Variants in MYRIP observed in about 807,000 individuals in gnomAD.
MYRIP encodes the protein myosin VIIA and Rab interacting protein.
MYRIP carries 49 observed loss-of-function variants against 98.0 expected under a neutral mutation model. That is an observed-to-expected ratio of 0.50 (90% CI 0.40 to 0.63). The LOEUF (loss-of-function observed/expected upper bound fraction) is 0.63. MYRIP is among the 30% of genes least tolerant of loss of function. MYRIP has a pLI of 0.00. For missense variants in MYRIP, 1,004 were observed against 1,058.2 expected (o/e 0.95, Z 0.71); for synonymous variants, 404 against 409.5 (o/e 0.99, Z 0.16).
intron 1 of MYRIP, among the ~76,000 whole-genome samples, chr3:39,878,034 C>G (rs1312151406): frequency 2.0e-5 from 3 of 152,212 alleles, no homozygotes; most frequent in Non-Finnish European, 2.9e-5. Context: ...TTTACCTAAG[C>G]AAGCCTGGGC....
chr3:39,890,314 C>T (rs1943451107), intron 1 of MYRIP, among the ~76,000 whole-genome samples: 1 of 151,954 alleles, frequency 6.6e-6, no homozygotes, highest in African/African-American at 2.4e-5. Context: ...ATTATTTTTC[C>T]CCACAACTTC....
intron 1 of MYRIP, among the ~76,000 whole-genome samples, chr3:39,826,885 T>C (rs1280073572): frequency 6.6e-6 from 1 of 152,194 alleles, no homozygotes; most frequent in African/African-American, 2.4e-5. Context: ...TTTATTATTA[T>C]ATAATGTTCT....
At chr3:39,907,080 G>T (rs769459320) in intron 2 of MYRIP, among the ~76,000 whole-genome samples, 1 of 151,666 alleles carries the variant, frequency 6.6e-6, no homozygotes, top group Admixed American at 6.6e-5. Context: ...CTTGAGTACC[G>T]AACTCCTGAG....
At chr3:40,104,491 C>G (rs938126288) in intron 3 of MYRIP, among the ~76,000 whole-genome samples, 17 of 152,302 alleles carry the variant, frequency 1.1e-4, no homozygotes, top group Admixed American at 8.5e-4. Flanking sequence ...AACAGGCACA[C>G]TTCTAAAGTC....
intron 7 of MYRIP, among the ~76,000 whole-genome samples, chr3:40,167,454 C>T (rs1248193356): frequency 2.0e-5 from 3 of 152,204 alleles, no homozygotes; most frequent in Non-Finnish European, 2.9e-5. Flanking sequence ...CCATGCCCTA[C>T]GCTGTCCCTT....
chr3:40,260,040 C>T lies in MYRIP; in HGVS notation c.*1874C>T, dbSNP rs1298947685. ...GAACTTTTATAAAGGTTTCCTTGTG[C>T]CAAATAAGTGCAAAGATTTAATTTA... On this transcript the variant is annotated 3_prime_UTR_variant, in exon 17 of 17. Transcript: ENST00000302541. 1 of 152,532 alleles carries T rather than the reference C, an allele frequency of 6.6e-6. No individual in the cohort carries two copies. The highest frequency in any genetic ancestry group is 2.4e-5 in the African/African-American group (1 of 41,414). The allele number at this position is 152,532 out of a possible 1,614,324, so 9.4% of individuals were successfully genotyped here.
At chr3:40,213,158 A>G (rs1308421627) in intron 11 of MYRIP, among the ~76,000 whole-genome samples, 1 of 152,098 alleles carries the variant, frequency 6.6e-6, no homozygotes, top group African/African-American at 2.4e-5. Flanking sequence ...GCACTTGCTT[A>G]CAGCCTGTCA....
At chr3:39,861,220 G>C (rs1020687979) in intron 1 of MYRIP, among the ~76,000 whole-genome samples, 65 of 152,302 alleles carry the variant, frequency 4.3e-4, no homozygotes, top group African/African-American at 1.5e-3. Flanking sequence ...CAGCTCACGA[G>C]TCCTCAGCTG....
intron 2 of MYRIP, among the ~76,000 whole-genome samples, chr3:40,017,495 C>G (rs111333195): frequency 5.9e-5 from 9 of 152,236 alleles, no homozygotes; most frequent in African/African-American, 2.2e-4. Flanking sequence ...CAGCTGACCC[C>G]TGATTCTGTA....
At chr3:40,210,620 C>A (rs867446118) in intron 11 of MYRIP, among the ~76,000 whole-genome samples, 1 of 152,048 alleles carries the variant, frequency 6.6e-6, no homozygotes. Flanking sequence ...AATCCTTTTT[C>A]AAACAATCTT....
At chr3:40,151,313 T>A in intron 4 of MYRIP, 129 bp downstream of exon 4, 1 of 1,015,190 alleles carries the variant, frequency 9.9e-7, no homozygotes, top group Non-Finnish European at 1.3e-6. Context: ...CTGGCACCAG[T>A]GAGAAGCAGA....
intron 2 of MYRIP, among the ~76,000 whole-genome samples, chr3:39,906,840 G>A (rs1026707787): frequency 6.6e-6 from 1 of 152,186 alleles, no homozygotes; most frequent in Non-Finnish European, 1.5e-5. Context: ...ATTGTTCATG[G>A]CAGAAATAAA....
intron 2 of MYRIP, among the ~76,000 whole-genome samples, chr3:39,992,898 A>G (rs754854416): frequency 7.2e-5 from 11 of 151,868 alleles, no homozygotes; most frequent in Non-Finnish European, 1.5e-4. Context: ...TAATCTAGAA[A>G]CTTTCACTTT....
At chr3:40,057,321 C>T (rs922193346) in intron 3 of MYRIP, among the ~76,000 whole-genome samples, 1 of 152,132 alleles carries the variant, frequency 6.6e-6, no homozygotes, top group Non-Finnish European at 1.5e-5. Context: ...TCATCAAAGC[C>T]GGCTTGTTAC....
intron 2 of MYRIP, among the ~76,000 whole-genome samples, chr3:39,921,763 C>T (rs929893305): frequency 2.6e-5 from 4 of 151,902 alleles, no homozygotes; most frequent in Admixed American, 1.3e-4. Context: ...TGCCTGTAGT[C>T]CCAGCCTACT....
At chr3:39,992,775 CTT>C (rs1430092371) in intron 2 of MYRIP, among the ~76,000 whole-genome samples, 1 of 152,184 alleles carries the variant, frequency 6.6e-6, no homozygotes, top group African/African-American at 2.4e-5. Context: ...CTTTTCTAGT[CTT>C]TGTCATCCTT....
chr3:39,903,660 C>G (rs954883608), intron 2 of MYRIP, among the ~76,000 whole-genome samples: 42 of 152,212 alleles, frequency 2.8e-4, no homozygotes, highest in African/African-American at 1.0e-3. Flanking sequence ...CTGGCACTGC[C>G]CTGGGTACTG....
intron 10 of MYRIP, 47 bp from the exon 11 acceptor site, chr3:40,209,807 G>A (rs747003594): frequency 6.2e-7 from 1 of 1,608,664 alleles, no homozygotes; most frequent in Admixed American, 1.7e-5. Context: ...GAAGCAACAT[G>A]GCTGTAGCAG....
chr3:40,210,688 A>G (rs1001069531), intron 11 of MYRIP, among the ~76,000 whole-genome samples: 3 of 152,102 alleles, frequency 2.0e-5, no homozygotes, highest in Non-Finnish European at 4.4e-5. Context: ...AGGGTCCCCA[A>G]AGCCCTAACC....
Sources: allele counts gnomAD v4.1 joint callset (sites outside exome capture counted in the v4.1 genomes callset), GRCh38; gene constraint gnomAD v4.1.1; transcripts MANE v1.5; gene names NCBI Gene and HGNC (gene_info 2026-07-23, HGNC 2026-07-21).